Variants in GPR39 observed in about 807,000 individuals in gnomAD.
GPR39 encodes zinc sensing receptor.
Under a neutral mutation model 18.4 loss-of-function variants are expected in GPR39, and 23 were observed. That is an observed-to-expected ratio of 1.25 (90% CI 0.90 to 1.77). GPR39 has a LOEUF of 1.77. Ranked by LOEUF, GPR39 falls within the 40% of genes most tolerant of loss-of-function variation. GPR39 has a pLI of 0.00. For synonymous variants in GPR39, 280 were observed against 257.9 expected (o/e 1.09, Z -0.82); for missense variants, 647 against 602.4 (o/e 1.07, Z -0.78).
chr2:132,443,013 ATC>A (rs1680468266), intron 1 of GPR39, among the ~76,000 whole-genome samples: 1 of 152,234 alleles, frequency 6.6e-6, no homozygotes, highest in African/African-American at 2.4e-5. Context: ...AGCTTTAAAT[ATC>A]TCTGATATAA....
intron 1 of GPR39, chr2:132,604,298 A>G (rs1681096435): frequency 1.3e-5 from 2 of 152,240 alleles, no homozygotes; most frequent in Non-Finnish European, 2.9e-5. Flanking sequence ...TGATTTAAAA[A>G]AAAAGAAAGG....
chr2:132,532,795 AC>A (rs1428759848), intron 1 of GPR39, among the ~76,000 whole-genome samples: 4 of 147,364 alleles, frequency 2.7e-5, no homozygotes, highest in Admixed American at 6.7e-5. Flanking sequence ...AAATTCAACA[AC>A]CCTTCATGCT....
intron 1 of GPR39, among the ~76,000 whole-genome samples, chr2:132,420,276 C>T (rs943248245): frequency 2.6e-5 from 4 of 152,294 alleles, no homozygotes; most frequent in Middle Eastern, 3.4e-3. Context: ...AAGCAGTTCT[C>T]GCAAATGTCC....
At chr2:132,529,541 G>T (rs1679574085) in intron 1 of GPR39, among the ~76,000 whole-genome samples, 1 of 152,236 alleles carries the variant, frequency 6.6e-6, no homozygotes, top group Non-Finnish European at 1.5e-5. Context: ...ATCTGAGAAT[G>T]GGCGGACTGC....
chr2:132,586,373 G>T (rs762514264), intron 1 of GPR39, among the ~76,000 whole-genome samples: 1 of 152,120 alleles, frequency 6.6e-6, no homozygotes. Context: ...TGACAGGCGC[G>T]CTCCAGCTTC....
chr2:132,553,905 C>A (rs1466153259), intron 1 of GPR39, among the ~76,000 whole-genome samples: 1 of 151,840 alleles, frequency 6.6e-6, no homozygotes, highest in African/African-American at 2.4e-5. Flanking sequence ...TCCCTGATGG[C>A]AGTGCAATAC....
intron 1 of GPR39, among the ~76,000 whole-genome samples, chr2:132,536,875 G>A (rs1012899047): frequency 6.6e-6 from 1 of 152,144 alleles, no homozygotes; most frequent in Admixed American, 6.5e-5. Flanking sequence ...TTTTATCAAA[G>A]ACTAGGATTG....
rs768613211 is a variant in GPR39, at chr2:132,615,958, C to T, written c.857-29143C>T. On this transcript the variant is annotated intron_variant, in intron 1 of 1. Transcript: ENST00000329321. ...GCTCTTTTTTTTTTTTTTTTTTGGA[C>T]CCAGTTATTTTAAGCAAGTGATTCT... Among the ~76,000 whole-genome samples the T allele has an allele frequency of 8.9e-5, 13 of 146,546 alleles. No individual in the cohort carries two copies. The East Asian group carries it at 2.4e-3, about 27-fold the overall frequency.
intron 1 of GPR39, among the ~76,000 whole-genome samples, chr2:132,497,961 G>T (rs538276214): frequency 6.6e-6 from 1 of 152,254 alleles, no homozygotes; most frequent in African/African-American, 2.4e-5. Flanking sequence ...CCCTGTAAAA[G>T]GCTCCAATCT....
At position 132,483,172 on chromosome 2, in the gene GPR39, A is replaced by G. The variant is rs1324577732; in HGVS notation, c.856+65274A>G. 5.3e-5 allele frequency among the ~76,000 whole-genome samples: 8 copies of G among 152,272 alleles called. No individual in the cohort carries two copies. In the East Asian group the frequency reaches 1.2e-3, roughly 22 times the overall value. The stretch of plus-strand genomic sequence containing the variant: ...GTTGTAATGAAGGTTAAATGTGCTC[A>G]GAACAGTACTAGACATATAGTAGCA... On this transcript the variant is annotated intron_variant, in intron 1 of 1. Coordinates refer to ENST00000329321, the MANE Select transcript of GPR39 (RefSeq NM_001508.3).
chr2:132,613,585 C>T (rs1244608286), intron 1 of GPR39, among the ~76,000 whole-genome samples: 3 of 152,200 alleles, frequency 2.0e-5, no homozygotes, highest in Admixed American at 1.3e-4. Flanking sequence ...ACTGCAAGCC[C>T]TTCAGGGGCA....
chr2:132,492,675 T>C lies in GPR39; in HGVS notation c.856+74777T>C, dbSNP rs927163439. Among the ~76,000 whole-genome samples, 62 of 135,868 alleles carry C rather than the reference T, an allele frequency of 4.6e-4. 1 individual carries two copies. Among genetic ancestry groups the C allele is most frequent in the African/African-American group, 8.5e-4 (28 of 32,870 alleles). The allele number at this position is 135,868 out of a possible 152,430, so 89.1% of individuals were successfully genotyped here. ...AATATATATACACACCATATATATATAATATATATACACACCATATATATA... is the reference window on the plus strand; with the variant it reads ...AATATATATACACACCATATATATACAATATATATACACACCATATATATA... On this transcript the variant is annotated intron_variant, in intron 1 of 1. Transcript: ENST00000329321.
chr2:132,552,845 T>TACACACATATATATATACATATATATAC (rs1491015409), intron 1 of GPR39, among the ~76,000 whole-genome samples: 1 of 116,614 alleles, frequency 8.6e-6, no homozygotes. Context: ...TATATATATA[T>TACACACATATATATATACATATATATAC]ACACACATAT....
chr2:132,524,591 A>T (rs1450281784), intron 1 of GPR39, among the ~76,000 whole-genome samples: 1 of 152,204 alleles, frequency 6.6e-6, no homozygotes, highest in African/African-American at 2.4e-5. Context: ...GTCTGCTGCT[A>T]CATGATGCTG....
At chr2:132,599,839 G>C (rs1238607808) in intron 1 of GPR39, among the ~76,000 whole-genome samples, 1 of 152,184 alleles carries the variant, frequency 6.6e-6, no homozygotes, top group Non-Finnish European at 1.5e-5. Flanking sequence ...AACTCTCCTT[G>C]ATAAGCTAGA....
chr2:132,547,497 G>A (rs1287336529), intron 1 of GPR39, among the ~76,000 whole-genome samples: 2 of 152,184 alleles, frequency 1.3e-5, no homozygotes, highest in Non-Finnish European at 2.9e-5. Context: ...GTTTAGGTCT[G>A]ATGGTTTTTA....
At chr2:132,620,371 G>C (rs1414386298) in intron 1 of GPR39, among the ~76,000 whole-genome samples, 2 of 152,164 alleles carry the variant, frequency 1.3e-5, no homozygotes, top group African/African-American at 4.8e-5. Context: ...CTTCTGGCCT[G>C]TGACTCAGTC....
At chr2:132,587,427 G>A (rs1680748640) in intron 1 of GPR39, among the ~76,000 whole-genome samples, 1 of 152,200 alleles carries the variant, frequency 6.6e-6, no homozygotes, top group Non-Finnish European at 1.5e-5. Flanking sequence ...TAGTGTTAAG[G>A]TCCTTCATAA....
chr2:132,466,362 A>T (rs1292449568), intron 1 of GPR39, among the ~76,000 whole-genome samples: 1 of 152,212 alleles, frequency 6.6e-6, no homozygotes, highest in African/African-American at 2.4e-5. Context: ...TTTCTGGATG[A>T]TTGTCCTTTT....
Sources: allele counts gnomAD v4.1 joint callset (sites outside exome capture counted in the v4.1 genomes callset), GRCh38; gene constraint gnomAD v4.1.1; transcripts MANE v1.5; gene names NCBI Gene and HGNC (gene_info 2026-07-23, HGNC 2026-07-21).